Variants in CNTNAP2 observed in about 807,000 individuals in gnomAD.
CNTNAP2 encodes contactin-associated protein-like 2.
Under a neutral mutation model 155.2 loss-of-function variants are expected in CNTNAP2, and 98 were observed. The ratio of observed to expected loss-of-function variants is 0.63; its 90% CI spans 0.54 to 0.75. The LOEUF is 0.75. CNTNAP2 is among the 30% of genes least tolerant of loss of function. The pLI is 0.00. For synonymous variants in CNTNAP2, 651 were observed against 631.2 expected (o/e 1.03, Z -0.47); for missense variants, 1,727 against 1,688.1 (o/e 1.02, Z -0.40).
intron 22 of CNTNAP2, among the ~76,000 whole-genome samples, chr7:148,392,802 C>T (rs1369964485): frequency 1.3e-5 from 2 of 152,166 alleles, no homozygotes; most frequent in East Asian, 1.9e-4. Flanking sequence ...CTCTTAGGCA[C>T]GTGGGTCTTC....
intron 1 of CNTNAP2, among the ~76,000 whole-genome samples, chr7:146,348,247 T>C (rs2129098062): frequency 6.6e-6 from 1 of 152,100 alleles, no homozygotes; most frequent in South Asian, 2.1e-4. Flanking sequence ...AGCAAAACCC[T>C]GTCTCTACTA....
chr7:147,359,855 A>G (rs1174356985), intron 9 of CNTNAP2, among the ~76,000 whole-genome samples: 1 of 152,038 alleles, frequency 6.6e-6, no homozygotes, highest in Non-Finnish European at 1.5e-5. Flanking sequence ...TACTAATTTA[A>G]TTATTTTTTC....
intron 1 of CNTNAP2, among the ~76,000 whole-genome samples, chr7:146,512,415 AG>A (rs1233016341): frequency 1.3e-5 from 2 of 151,538 alleles, no homozygotes; most frequent in African/African-American, 2.4e-5. Context: ...TTTTTTATGT[AG>A]ATGTTCATTG....
intron 13 of CNTNAP2, among the ~76,000 whole-genome samples, chr7:147,680,499 T>C (rs561841768): frequency 6.6e-6 from 1 of 151,982 alleles, no homozygotes; most frequent in South Asian, 2.1e-4. Flanking sequence ...TAAAGCAATA[T>C]ATTGGGGCCC....
intron 8 of CNTNAP2, among the ~76,000 whole-genome samples, chr7:147,298,388 C>T (rs1287426669): frequency 1.3e-5 from 2 of 151,816 alleles, no homozygotes; most frequent in Non-Finnish European, 2.9e-5. Flanking sequence ...CCCGTCATTG[C>T]ACTCCAGCCT....
intron 13 of CNTNAP2, among the ~76,000 whole-genome samples, chr7:147,823,368 T>G (rs968583444): frequency 3.3e-5 from 5 of 152,170 alleles, no homozygotes; most frequent in African/African-American, 1.2e-4. Context: ...CCTAGGGCCT[T>G]GTTCTTAAAT....
intron 1 of CNTNAP2, among the ~76,000 whole-genome samples, chr7:146,338,041 A>C (rs543077072): frequency 6.6e-6 from 1 of 152,154 alleles, no homozygotes; most frequent in East Asian, 1.9e-4. Flanking sequence ...GGCCTTTTCA[A>C]CCCTCTCACC....
chr7:146,451,757 C>A (rs1262623149), intron 1 of CNTNAP2, among the ~76,000 whole-genome samples: 3 of 150,590 alleles, frequency 2.0e-5, no homozygotes, highest in African/African-American at 4.9e-5. Flanking sequence ...CAAAATTATT[C>A]TAATTCCCTA....
At chr7:147,703,109 C>G (rs146299644) in intron 13 of CNTNAP2, among the ~76,000 whole-genome samples, 34 of 152,314 alleles carry the variant, frequency 2.2e-4, no homozygotes, top group Admixed American at 7.8e-4. Context: ...CCTGCCCATT[C>G]TAACCACTGC....
chr7:147,082,101 A>G (rs887424475), intron 4 of CNTNAP2: 2 of 152,230 alleles, frequency 1.3e-5, no homozygotes, highest in African/African-American at 4.8e-5. Flanking sequence ...AGGAAAAAAA[A>G]GAAAGGTAAA....
At chr7:148,123,633 C>CAGGAAGGA (rs35150868) in intron 16 of CNTNAP2, among the ~76,000 whole-genome samples, 3,234 of 118,350 alleles carry the variant, frequency 0.027, 50 homozygotes, top group African/African-American at 0.034. Context: ...GAAGGGAGAG[C>CAGGAAGGA]AGGAAGGAAG....
At chr7:147,294,883 C>T (rs2116756908) in intron 8 of CNTNAP2, among the ~76,000 whole-genome samples, 1 of 152,212 alleles carries the variant, frequency 6.6e-6, no homozygotes, top group East Asian at 1.9e-4. Flanking sequence ...TGGTCTCAAA[C>T]TCCTGACCTC....
intron 1 of CNTNAP2, among the ~76,000 whole-genome samples, chr7:146,568,520 C>T (rs1304545526): frequency 6.6e-6 from 1 of 152,160 alleles, no homozygotes; most frequent in African/African-American, 2.4e-5. Context: ...ATAAACTATG[C>T]TTGCTTCTAT....
chr7:147,895,902 C>G (rs780872504), intron 13 of CNTNAP2, among the ~76,000 whole-genome samples: 4 of 152,208 alleles, frequency 2.6e-5, no homozygotes, highest in Admixed American at 6.5e-5. Context: ...TCTACAATTT[C>G]CTTTCTCTCT....
intron 15 of CNTNAP2, among the ~76,000 whole-genome samples, chr7:148,104,344 T>C (rs2116585991): frequency 6.6e-6 from 1 of 152,336 alleles, no homozygotes; most frequent in Admixed American, 6.5e-5. Context: ...GTTTCCCAGT[T>C]TCACATCCGT....
At chr7:147,667,831 AATAAAAGATACC>A (rs1795723166) in intron 13 of CNTNAP2, among the ~76,000 whole-genome samples, 1 of 148,576 alleles carries the variant, frequency 6.7e-6, no homozygotes, top group African/African-American at 2.6e-5. Context: ...AAAATAAAAA[AATAAAAGATACC>A]AATGCAATTC....
intron 1 of CNTNAP2, among the ~76,000 whole-genome samples, chr7:146,423,399 A>T (rs1796042618): frequency 6.6e-6 from 1 of 152,188 alleles, no homozygotes; most frequent in Non-Finnish European, 1.5e-5. Flanking sequence ...ATATAACATT[A>T]TCATTAATTG....
intron 8 of CNTNAP2, among the ~76,000 whole-genome samples, chr7:147,285,099 G>A (rs1805146458): frequency 6.6e-6 from 1 of 151,890 alleles, no homozygotes; most frequent in Admixed American, 6.6e-5. Flanking sequence ...AGAATTATCT[G>A]AAATAAGAAA....
intron 4 of CNTNAP2, among the ~76,000 whole-genome samples, chr7:147,055,408 G>A (rs1799541706): frequency 6.6e-6 from 1 of 152,168 alleles, no homozygotes; most frequent in East Asian, 1.9e-4. Context: ...AGAAGAAAAA[G>A]CCTGAGGAAC....
Sources: gnomAD v4.1 joint callset for allele counts (sites outside exome capture counted in the v4.1 genomes callset) on GRCh38, gnomAD v4.1.1 for gene constraint, MANE v1.5 for transcripts, NCBI Gene and HGNC (gene_info 2026-07-23, HGNC 2026-07-21) for gene names.